Variants in POU3F3 observed in about 807,000 individuals in gnomAD.
The protein encoded by POU3F3 is POU domain, class 3, transcription factor 3.
In POU3F3, 1 loss-of-function variant was observed where a neutral mutation model predicts 8.6. That is an observed-to-expected ratio of 0.12 (90% CI 0.04 to 0.55). POU3F3 has a LOEUF of 0.55. POU3F3 is among the 20% of genes least tolerant of loss of function. POU3F3 has a pLI of 0.91. For missense variants in POU3F3, 577 were observed against 690.7 expected (o/e 0.84, Z 1.84); for synonymous variants, 418 against 327.4 (o/e 1.28, Z -2.99).
Position 104,856,390 on chromosome 2 carries a change from C to CACGGCGGCG in POU3F3, c.881_889dup (p.Gly296_Gly297insAspGlyGly). On this transcript the variant is annotated inframe_insertion, in exon 1 of 1. Coordinates refer to ENST00000361360, the MANE Select transcript of POU3F3 (RefSeq NM_006236.3). The stretch of plus-strand genomic sequence containing the variant: ...GCACCACGCGCAGGGACCCCCGCAC[C>CACGGCGGCG]ACGGCGGCGGCGGCGGCGGCGCGGG... The CACGGCGGCG allele has an allele frequency of 6.4e-7, 1 of 1,567,266 alleles. No individual in the cohort carries two copies. The highest frequency in any genetic ancestry group is 8.6e-7 in the Non-Finnish European group (1 of 1,158,428).
the POU3F3 span, among the ~76,000 whole-genome samples, chr2:104,925,464 C>T: frequency 6.6e-6 from 1 of 152,082 alleles, no homozygotes; most frequent in Non-Finnish European, 1.5e-5. Flanking sequence ...ACTCATGTCC[C>T]TTAAGTTAAA....
At chr2:104,911,110 T>C in the POU3F3 span, among the ~76,000 whole-genome samples, 4 of 152,152 alleles carry the variant, frequency 2.6e-5, no homozygotes, top group Middle Eastern at 0.014. Context: ...GGGACAACCG[T>C]ATGGTCAAAA....
rs1676530884 is a variant in POU3F3, at chr2:104,855,380, G to A, written c.-131G>A. On this transcript the variant is annotated 5_prime_UTR_variant, in exon 1 of 1. Transcript: ENST00000361360. ...CGGGGCCGGCGGGGGCCCGGGGCGGGGGCGGGGAAGGAGGGGGGGAGGAGG... is the reference window on the plus strand; with the variant it reads ...CGGGGCCGGCGGGGGCCCGGGGCGGAGGCGGGGAAGGAGGGGGGGAGGAGG... The A allele has an allele frequency of 3.1e-6, 1 of 326,104 alleles. No homozygotes were observed. The highest frequency in any genetic ancestry group is 4.2e-6 in the Non-Finnish European group (1 of 236,316). The allele number at this position is 326,104 out of a possible 1,614,324, so 20.2% of individuals were successfully genotyped here.
chr2:104,893,883 CAAAA>C, the POU3F3 span, among the ~76,000 whole-genome samples: 5 of 87,794 alleles, frequency 5.7e-5, no homozygotes, highest in Non-Finnish European at 4.5e-5. Context: ...AACTCTGTCT[CAAAA>C]AAAAAAAAAA....
At chr2:104,871,741 G>A in the POU3F3 span, among the ~76,000 whole-genome samples, 1 of 152,144 alleles carries the variant, frequency 6.6e-6, no homozygotes, top group Non-Finnish European at 1.5e-5. Flanking sequence ...GGATCATAAA[G>A]TACCTAGGAG....
At chr2:104,900,071 A>C in the POU3F3 span, among the ~76,000 whole-genome samples, 1 of 152,238 alleles carries the variant, frequency 6.6e-6, no homozygotes, top group Non-Finnish European at 1.5e-5. Context: ...TTGTCTACGC[A>C]CTGAGGGAGG....
chr2:104,876,180 TC>T, the POU3F3 span, among the ~76,000 whole-genome samples: 4 of 152,228 alleles, frequency 2.6e-5, no homozygotes, highest in Non-Finnish European at 4.4e-5. Context: ...GCTCTTCCTT[TC>T]TTTATTTCTA....
chr2:104,913,459 G>A, the POU3F3 span, among the ~76,000 whole-genome samples: 1 of 152,050 alleles, frequency 6.6e-6, no homozygotes, highest in Non-Finnish European at 1.5e-5. Flanking sequence ...AAGGCCCTGG[G>A]GTAACTGGCT....
At chr2:104,872,601 G>T in the POU3F3 span, 1 of 267,342 alleles carries the variant, frequency 3.7e-6, no homozygotes, top group Middle Eastern at 1.4e-3. The surrounding 1 kb of genome is among the most constrained non-coding windows in gnomAD (Gnocchi z 4.6). Context: ...CTCGCTCTGC[G>T]CCCGGGTCTC....
At chr2:104,875,338 T>C in the POU3F3 span, among the ~76,000 whole-genome samples, 4 of 152,238 alleles carry the variant, frequency 2.6e-5, no homozygotes, top group African/African-American at 7.2e-5. Flanking sequence ...TTTCCATTCT[T>C]TTCAGCGTGT....
the POU3F3 span, among the ~76,000 whole-genome samples, chr2:104,900,742 T>A: frequency 3.3e-5 from 5 of 152,218 alleles, no homozygotes; most frequent in Non-Finnish European, 7.3e-5. Context: ...GTATTTTCCT[T>A]GACTCACCAG....
chr2:104,882,258 T>C, the POU3F3 span, among the ~76,000 whole-genome samples: 40 of 150,570 alleles, frequency 2.7e-4, no homozygotes, highest in Non-Finnish European at 3.8e-4. Context: ...TTTTTTTTTT[T>C]TTTTTTGAGA....
At chr2:104,924,432 A>G in the POU3F3 span, among the ~76,000 whole-genome samples, 1 of 152,176 alleles carries the variant, frequency 6.6e-6, no homozygotes, top group South Asian at 2.1e-4. Flanking sequence ...TGCAAAGACA[A>G]TTGGTTATTT....
the POU3F3 span, among the ~76,000 whole-genome samples, chr2:104,886,662 C>G: frequency 3.3e-5 from 5 of 152,164 alleles, no homozygotes; most frequent in Non-Finnish European, 5.9e-5. Flanking sequence ...AATCCCAGGA[C>G]TTTTAGAGGC....
downstream of POU3F3, among the ~76,000 whole-genome samples, chr2:104,860,372 T>C (rs770664746): frequency 9.2e-5 from 14 of 152,170 alleles, no homozygotes; most frequent in East Asian, 9.6e-4. Context: ...CAGATATAAC[T>C]GAGAGGTTTT....
chr2:104,917,293 G>T, the POU3F3 span, among the ~76,000 whole-genome samples: 1 of 152,148 alleles, frequency 6.6e-6, no homozygotes, highest in Admixed American at 6.5e-5. Flanking sequence ...TATGGGTTTC[G>T]TTTCTTTGGA....
At chr2:104,876,436 A>C in the POU3F3 span, among the ~76,000 whole-genome samples, 1 of 152,012 alleles carries the variant, frequency 6.6e-6, no homozygotes, top group African/African-American at 2.4e-5. Context: ...CTGGTTTTGG[A>C]GCTCTCTCAG....
At chr2:104,860,087 G>A (rs570593480), downstream of POU3F3, among the ~76,000 whole-genome samples, 1 of 152,122 alleles carries the variant, frequency 6.6e-6, no homozygotes, top group Non-Finnish European at 1.5e-5. Flanking sequence ...AATTTCAGGA[G>A]GTATCTACTT....
the POU3F3 span, among the ~76,000 whole-genome samples, chr2:104,907,675 C>T: frequency 1.3e-5 from 2 of 152,292 alleles, 1 homozygote; most frequent in South Asian, 4.1e-4. Context: ...GTTTAATCCT[C>T]ATGGGATTTT....
Sources: gnomAD v4.1 joint callset for allele counts (sites outside exome capture counted in the v4.1 genomes callset) on GRCh38, gnomAD v4.1.1 for gene constraint, Gnocchi (gnomAD v3.1) non-coding constraint, MANE v1.5 for transcripts, NCBI Gene and HGNC (gene_info 2026-07-23, HGNC 2026-07-21) for gene names.